CHSY3: variants seen among roughly 807,000 people sequenced by gnomAD.
CHSY3 encodes the protein chondroitin sulfate synthase 3, also known as N-acetylgalactosaminyl-proteoglycan 3-beta-glucuronosyltransferase 3.
CHSY3 carries 35 observed loss-of-function variants against 67.2 expected under a neutral mutation model. The ratio of observed to expected loss-of-function variants is 0.52; its 90% confidence interval spans 0.40 to 0.69. The LOEUF is 0.69. CHSY3 is among the 30% of genes least tolerant of loss of function. CHSY3 has a pLI of 0.00. For synonymous variants in CHSY3, 474 were observed against 434.7 expected (o/e 1.09, Z -1.12); for missense variants, 1,069 against 1,138.5 (o/e 0.94, Z 0.88).
chr5:130,116,877 G>C (rs1222082158), intron 2 of CHSY3, among the ~76,000 whole-genome samples: 1 of 145,706 alleles, frequency 6.9e-6, no homozygotes, highest in Non-Finnish European at 1.5e-5. Flanking sequence ...TTTTTTTTTT[G>C]AGTAAATAAG....
chr5:130,064,132 T>C (rs1258557966), intron 2 of CHSY3, among the ~76,000 whole-genome samples: 1 of 152,158 alleles, frequency 6.6e-6, no homozygotes, highest in African/African-American at 2.4e-5. Flanking sequence ...CAGGGACAAC[T>C]GACTTGCTAT....
At chr5:130,178,227 T>TATATATATATATA (rs1561571814) in intron 2 of CHSY3, among the ~76,000 whole-genome samples, 1 of 65,822 alleles carries the variant, frequency 1.5e-5, no homozygotes, top group Non-Finnish European at 2.6e-5. Context: ...ATATTTATAT[T>TATATATATATATA]TATATATATA....
intron 2 of CHSY3, among the ~76,000 whole-genome samples, chr5:130,129,500 GCTTT>G (rs1768412452): frequency 1.3e-5 from 2 of 152,034 alleles, no homozygotes; most frequent in Non-Finnish European, 2.9e-5. Context: ...ATCCTGTTTA[GCTTT>G]CTAAGTAGCA....
chr5:130,020,152 T>C (rs1764324609), intron 2 of CHSY3, among the ~76,000 whole-genome samples: 1 of 152,040 alleles, frequency 6.6e-6, no homozygotes. Context: ...GTGCAGTGGC[T>C]CACGCCGGTA....
chr5:129,941,489 G>A (rs533046251), intron 2 of CHSY3, among the ~76,000 whole-genome samples: 1 of 152,146 alleles, frequency 6.6e-6, no homozygotes, highest in South Asian at 2.1e-4. Context: ...TTTATATGAT[G>A]TTTCTTGGTA....
At chr5:129,913,767 C>G (rs1299047356) in intron 2 of CHSY3, among the ~76,000 whole-genome samples, 1 of 152,076 alleles carries the variant, frequency 6.6e-6, no homozygotes, top group African/African-American at 2.4e-5. Context: ...ATTTCAAAGA[C>G]AGCAGGGTTC....
Position 130,184,717 on chromosome 5 carries a change from C to T in CHSY3, c.1575C>T (p.Gly525=), listed in dbSNP as rs772736521. 1 of 1,608,846 alleles carries T rather than the reference C, an allele frequency of 6.2e-7. No individual in the cohort carries two copies. The highest frequency in any genetic ancestry group is 8.5e-7 in the Non-Finnish European group (1 of 1,175,182). Residue 525 remains glycine, a synonymous_variant, in exon 3 of 3, where the codon GGC becomes GGT. Coordinates refer to ENST00000305031, the MANE Select transcript of CHSY3 (RefSeq NM_175856.5). ...TTGACTTCAAGGAAATTCAGTATGG[C>T]TACCGCAGAGTTAACCCCATGCACG... is the stretch of plus-strand genomic sequence containing the variant. ...RLIDFKEIQY[G]YRRVNPMHGV... is the part of the protein sequence containing the mutation.
intron 2 of CHSY3, among the ~76,000 whole-genome samples, chr5:129,959,063 G>A (rs1762257274): frequency 6.6e-6 from 1 of 151,972 alleles, no homozygotes; most frequent in Non-Finnish European, 1.5e-5. Context: ...TGAATCCCAA[G>A]TGAATATGCT....
intron 2 of CHSY3, among the ~76,000 whole-genome samples, chr5:129,940,031 A>G (rs1434249295): frequency 3.9e-5 from 6 of 152,108 alleles, no homozygotes; most frequent in Non-Finnish European, 7.4e-5. Flanking sequence ...AAATTATAAC[A>G]CCGTTGAAAA....
intron 2 of CHSY3, among the ~76,000 whole-genome samples, chr5:130,125,428 T>TAGATAGAC (rs2149711002): frequency 6.6e-6 from 1 of 151,334 alleles, no homozygotes; most frequent in African/African-American, 2.4e-5. Context: ...GATAGATAGA[T>TAGATAGAC]AGATAGATAG....
intron 2 of CHSY3, among the ~76,000 whole-genome samples, chr5:130,151,917 T>C (rs1769242364): frequency 6.6e-6 from 1 of 152,216 alleles, no homozygotes; most frequent in Non-Finnish European, 1.5e-5. Context: ...CCCCTCACAA[T>C]GCTTGCATTC....
At chr5:129,904,039 G>A (rs527288646), upstream of CHSY3, among the ~76,000 whole-genome samples, 38 of 152,278 alleles carry the variant, frequency 2.5e-4, no homozygotes, top group Admixed American at 4.6e-4. Context: ...GAACTTGCTG[G>A]GGGCTCCCGG....
intron 2 of CHSY3, chr5:130,140,053 G>T: frequency 5.8e-6 from 1 of 172,556 alleles, no homozygotes; most frequent in South Asian, 1.4e-4. Flanking sequence ...CCTGCAGTTG[G>T]TATTGATCTT....
chr5:130,143,810 G>GTGTATA lies in CHSY3; in HGVS notation c.1087-40418_1087-40417insGTATAT, dbSNP rs1469625551. 2.9e-3 allele frequency among the ~76,000 whole-genome samples: 164 copies of GTGTATA among 56,474 alleles called. 3 individuals carry two copies. The highest frequency in any genetic ancestry group is 7.2e-3 in the South Asian group (8 of 1,106). The allele number at this position is 56,474 out of a possible 152,430, so 37.0% of individuals were successfully genotyped here. ...TATATATATATATATATATATGTGTGTATATATATATATATATATATATAT... is the reference window on the plus strand; with the variant it reads ...TATATATATATATATATATATGTGTGTGTATATATATATATATATATATATATATAT... On this transcript the variant is annotated intron_variant, in intron 2 of 2. Coordinates refer to ENST00000305031, the MANE Select transcript of CHSY3 (RefSeq NM_175856.5).
intron 2 of CHSY3, among the ~76,000 whole-genome samples, chr5:130,046,632 A>G (rs186518041): frequency 1.3e-3 from 191 of 152,240 alleles, no homozygotes; most frequent in African/African-American, 4.5e-3. Context: ...TCAATTGTCA[A>G]TTAGAATGTG....
chr5:130,143,846 A>ATATATATG (rs1221929570), intron 2 of CHSY3, among the ~76,000 whole-genome samples: 2 of 130,480 alleles, frequency 1.5e-5, no homozygotes, highest in South Asian at 2.4e-4. Context: ...ATATATATAT[A>ATATATATG]TGCCAATTCA....
At chr5:129,942,742 G>T (rs181657767) in intron 2 of CHSY3, among the ~76,000 whole-genome samples, 15 of 152,312 alleles carry the variant, frequency 9.8e-5, no homozygotes, top group Admixed American at 6.5e-4. Context: ...ATCAAGGAGA[G>T]AGTGTACGCT....
chr5:130,075,669 A>G (rs1185707369), intron 2 of CHSY3, among the ~76,000 whole-genome samples: 7 of 152,156 alleles, frequency 4.6e-5, no homozygotes, highest in Admixed American at 4.6e-4. Flanking sequence ...AAAATGCAAA[A>G]AGCAAAGAAG....
At chr5:130,026,069 G>A (rs902221469) in intron 2 of CHSY3, among the ~76,000 whole-genome samples, 2 of 152,026 alleles carry the variant, frequency 1.3e-5, no homozygotes, top group East Asian at 1.9e-4. Flanking sequence ...GTGATGTGAA[G>A]GAAATTTCAT....
Sources: gnomAD v4.1 joint callset for allele counts (sites outside exome capture counted in the v4.1 genomes callset) on GRCh38, gnomAD v4.1.1 for gene constraint, MANE v1.5 for transcripts, NCBI Gene and HGNC (gene_info 2026-07-23, HGNC 2026-07-21) for gene names.